HS6ST1: variants seen among roughly 807,000 people sequenced by gnomAD.
HS6ST1 encodes the protein heparan-sulfate 6-O-sulfotransferase 1.
A neutral mutation model predicts 25.2 loss-of-function variants in HS6ST1; 3 were observed. The observed-to-expected ratio is 0.12, with a 90% confidence interval of 0.05 to 0.31. HS6ST1 has a LOEUF of 0.31. Ranked by LOEUF, HS6ST1 falls within the 10% of genes least tolerant of loss-of-function variation. HS6ST1 has a pLI of 1.00. For missense variants in HS6ST1, 310 were observed against 609.6 expected (o/e 0.51, Z 5.18); for synonymous variants, 204 against 275.1 (o/e 0.74, Z 2.56).
intron 1 of HS6ST1, among the ~76,000 whole-genome samples, chr2:128,304,668 C>T (rs559239860): frequency 9.2e-5 from 14 of 152,374 alleles, no homozygotes; most frequent in Admixed American, 5.9e-4. Flanking sequence ...TGGCCAAAAA[C>T]CCTCTGCCAC....
chr2:128,291,218 G>C (rs60843558), intron 1 of HS6ST1, among the ~76,000 whole-genome samples: 3,820 of 152,348 alleles, frequency 0.025, 171 homozygotes, highest in African/African-American at 0.086. Context: ...CTTGTCTTTA[G>C]TGAGTACCCC....
At position 128,318,846 on chromosome 2, in the gene HS6ST1, CCACTCCGCGCCGAGAA is replaced by C. The variant is rs1242330453; in HGVS notation, c.-299_-284del. ...GCCCCCAGCACCAGCCCGCTCCGCT[CCACTCCGCGCCGAGAA>C]CGCTCTGCGCCGCCCCGCGCGCCGC... On this transcript the variant is annotated 5_prime_UTR_variant, in exon 1 of 2. Transcript: ENST00000259241. This position sits in a 1 kb window ranked among gnomAD's most constrained non-coding sequence, Gnocchi z 5.7. 6.8e-6 allele frequency among the ~76,000 whole-genome samples: 1 copy of C among 147,696 alleles called. No individual in the cohort carries two copies. Among genetic ancestry groups the C allele is most frequent in the Non-Finnish European group, 1.5e-5 (1 of 66,302 alleles).
chr2:128,318,483 G>A lies in HS6ST1; in HGVS notation c.81C>T (p.Cys27=), dbSNP rs1336342911. 6.4e-7 allele frequency: 1 copy of A among 1,556,604 alleles called. No individual in the cohort carries two copies. The highest frequency in any genetic ancestry group is 2.4e-5 in the East Asian group (1 of 41,684). ...KFVLVVAGSV[C]FMLILYQYAG... ...CGTACTGGTACAAGATGAGCATGAA[G>A]CACACCGAGCCCGCCACCACCAGCA... is the stretch of plus-strand genomic sequence containing the variant. Residue 27 remains cysteine, a synonymous_variant, in exon 1 of 2, where the codon TGC becomes TGT. Coordinates refer to ENST00000259241, the MANE Select transcript of HS6ST1 (RefSeq NM_004807.3). The surrounding 1 kb of genome is among the most constrained non-coding windows in gnomAD (Gnocchi z 5.7).
In HS6ST1 at chr2:128,268,386, C is replaced by T. The variant is rs533693492; in HGVS notation, c.1012G>A (p.Glu338Lys). 113 of 1,613,568 alleles carry T rather than the reference C, an allele frequency of 7.0e-5. No homozygotes were observed. The highest frequency in any genetic ancestry group is 1.6e-4 in the Middle Eastern group (1 of 6,076). The change falls in exon 2 of 2, where the codon GAG (glutamate) becomes AAG (lysine). Residue 338 changes from glutamate (E) to lysine (K), a missense_variant. Coordinates refer to ENST00000259241, the MANE Select transcript of HS6ST1 (RefSeq NM_004807.3). The part of the protein sequence containing the change: ...EVDEDTIRRI[E>K]ELNDLDMQLY... ...TGCATGTCCAGGTCGTTGAGCTCCT[C>T]GATGCGCCGGATGGTGTCTTCATCC...
chr2:128,278,624 C>CAAGTCCTGAAGATGTGGAGA (rs1354460092), intron 1 of HS6ST1, among the ~76,000 whole-genome samples: 1 of 152,164 alleles, frequency 6.6e-6, no homozygotes, highest in African/African-American at 2.4e-5. Flanking sequence ...GGGGAGCTGA[C>CAAGTCCTGAAGATGTGGAGA]AAGTCCTGAA....
At chr2:128,313,951 A>C (rs1395320264) in intron 1 of HS6ST1, among the ~76,000 whole-genome samples, 1 of 152,072 alleles carries the variant, frequency 6.6e-6, no homozygotes. Context: ...AAAAAAAAAA[A>C]AAAAGGATTT....
At chr2:128,282,257 C>T (rs548599172) in intron 1 of HS6ST1, among the ~76,000 whole-genome samples, 9 of 152,354 alleles carry the variant, frequency 5.9e-5, no homozygotes, top group Admixed American at 5.2e-4. Context: ...TTTAGCCCTG[C>T]AGTGAAGACG....
At position 128,267,781 on chromosome 2, in the gene HS6ST1, T is replaced by G. The variant is rs1489533618; in HGVS notation, c.*381A>C. On this transcript the variant is annotated 3_prime_UTR_variant, in exon 2 of 2. Coordinates refer to ENST00000259241, the MANE Select transcript of HS6ST1 (RefSeq NM_004807.3). ...CTAAGAGCGAGTGCTGTGTGCATAG[T>G]TGGTGAGGGACACACTCCCGGCCTG... 3.0e-6 allele frequency: 1 copy of G among 332,398 alleles called. No homozygotes were observed. The highest frequency in any genetic ancestry group is 5.7e-6 in the Non-Finnish European group (1 of 176,612). 20.6% of individuals were successfully genotyped at this position (332,398 alleles called of 1,614,324 possible). A position where few individuals can be genotyped will look rare whatever the true frequency, so the allele number is the denominator to read the frequency against.
intron 1 of HS6ST1, among the ~76,000 whole-genome samples, chr2:128,295,271 C>T (rs1573702016): frequency 6.6e-6 from 1 of 152,370 alleles, no homozygotes; most frequent in Middle Eastern, 3.4e-3. Flanking sequence ...TACCATTCTT[C>T]TCTCCACTTC....
chr2:128,268,135 G>A lies in HS6ST1; in HGVS notation c.*27C>T, dbSNP rs559157605. The A allele has an allele frequency of 7.0e-5, 107 of 1,531,376 alleles. No individual in the cohort carries two copies. The highest frequency in any genetic ancestry group is 4.0e-4 in the Admixed American group (22 of 55,022). The allele number at this position is 1,531,376 out of a possible 1,614,324, so 94.9% of individuals were successfully genotyped here. A position where few individuals can be genotyped will look rare whatever the true frequency, so the allele number is the denominator to read the frequency against. On this transcript the variant is annotated 3_prime_UTR_variant, in exon 2 of 2. Coordinates refer to ENST00000259241, the MANE Select transcript of HS6ST1 (RefSeq NM_004807.3). ...CTGTTTTATCCCCCACACCCCCCAA[G>A]AGGCCTCCCCGTGGCCACCACCGCC... is the stretch of plus-strand genomic sequence containing the variant.
chr2:128,288,107 T>C (rs1693892853), intron 1 of HS6ST1, among the ~76,000 whole-genome samples: 1 of 152,174 alleles, frequency 6.6e-6, no homozygotes, highest in Non-Finnish European at 1.5e-5. Flanking sequence ...GAGACCTGTC[T>C]CCAGAGCCAT....
Position 128,266,198 on chromosome 2 carries a change from A to G in HS6ST1, c.*1964T>C. 6.6e-6 allele frequency: 1 copy of G among 152,152 alleles called. No individual in the cohort carries two copies. The highest frequency in any genetic ancestry group is 2.1e-4 in the South Asian group (1 of 4,830). 9.4% of individuals were successfully genotyped at this position (152,152 alleles called of 1,614,324 possible). On this transcript the variant is annotated 3_prime_UTR_variant, in exon 2 of 2. Transcript: ENST00000259241. ...GCTGGGTGTCCACCTCCTGCCGGGA[A>G]GCCAAGGTGCCCCACGTGGCTTGTG...
intron 1 of HS6ST1, among the ~76,000 whole-genome samples, chr2:128,272,716 G>C (rs1693627656): frequency 6.6e-6 from 1 of 151,962 alleles, no homozygotes; most frequent in Non-Finnish European, 1.5e-5. Flanking sequence ...AAATGACTCG[G>C]GTTTTTTGTG....
At chr2:128,310,080 C>A (rs1694265953) in intron 1 of HS6ST1, among the ~76,000 whole-genome samples, 1 of 152,194 alleles carries the variant, frequency 6.6e-6, no homozygotes, top group Admixed American at 6.5e-5. Context: ...GCTCCAGCCA[C>A]AAGGTAGGAG....
intron 1 of HS6ST1, among the ~76,000 whole-genome samples, chr2:128,313,732 T>A (rs974126635): frequency 3.3e-5 from 5 of 152,044 alleles, no homozygotes; most frequent in Non-Finnish European, 7.4e-5. Context: ...GGGACCAAGG[T>A]GGGCACTGCA....
Position 128,296,847 on chromosome 2 carries a change from CATAA to C in HS6ST1, c.527+21186_527+21189del, listed in dbSNP as rs1164003719. ...ATCACAACCCCAACAGTATTTGCTG[CATAA>C]ATAGAGTAACTTAACCTAAAATTCA... On this transcript the variant is annotated intron_variant, in intron 1 of 1. Coordinates refer to ENST00000259241, the MANE Select transcript of HS6ST1 (RefSeq NM_004807.3). Among the ~76,000 whole-genome samples, 48 of 152,294 alleles carry C rather than the reference CATAA, an allele frequency of 3.2e-4. 1 individual carries two copies. Among genetic ancestry groups the C allele is most frequent in the Non-Finnish European group, 5.7e-4 (39 of 68,032 alleles).
chr2:128,274,617 G>A lies in HS6ST1; in HGVS notation c.528-5747C>T, dbSNP rs184737272. 3.8e-3 allele frequency among the ~76,000 whole-genome samples: 579 copies of A among 152,280 alleles called. 4 individuals are homozygous for A. The highest frequency in any genetic ancestry group is 0.013 in the African/African-American group (551 of 41,548). The stretch of plus-strand genomic sequence containing the variant: ...GCCAGGAGCTCCAACCCAGGGGACG[G>A]TTCCAGGATGTCAGCAAAACATCCC... On this transcript the variant is annotated intron_variant, in intron 1 of 1. Transcript: ENST00000259241.
chr2:128,304,721 G>A (rs745618137), intron 1 of HS6ST1, among the ~76,000 whole-genome samples: 1 of 152,236 alleles, frequency 6.6e-6, no homozygotes, highest in Non-Finnish European at 1.5e-5. Flanking sequence ...AACAGGGACA[G>A]TGACACTGTG....
In HS6ST1 at chr2:128,266,292, T is replaced by G. The variant is rs3180466; in HGVS notation, c.*1870A>C. ...AGTGCACCCACCCCCATGTTGAGTG[T>G]CCGAGCAGATTCCCATTGACCCTGA... is the stretch of plus-strand genomic sequence containing the variant. On this transcript the variant is annotated 3_prime_UTR_variant, in exon 2 of 2. Transcript: ENST00000259241. 15,126 of 152,360 alleles carry G rather than the reference T, an allele frequency of 0.099. 1,821 individuals carry two copies. Among genetic ancestry groups the G allele is most frequent in the African/African-American group, 0.29 (12,170 of 41,510 alleles). 9.4% of individuals were successfully genotyped at this position (152,360 alleles called of 1,614,324 possible). A position where few individuals can be genotyped will look rare whatever the true frequency, so the allele number is the denominator to read the frequency against.
Sources: gnomAD v4.1 joint callset for allele counts (sites outside exome capture counted in the v4.1 genomes callset) on GRCh38, gnomAD v4.1.1 for gene constraint, Gnocchi (gnomAD v3.1) non-coding constraint, MANE v1.5 for transcripts, NCBI Gene and HGNC (gene_info 2026-07-23, HGNC 2026-07-21) for gene names.